Variants in AGBL1 observed in about 807,000 individuals in gnomAD.
AGBL1 encodes the protein AGBL carboxypeptidase 1.
Under a neutral mutation model 118.9 loss-of-function variants are expected in AGBL1, and 130 were observed. The observed-to-expected ratio is 1.09, with a 90% CI of 0.95 to 1.26. The LOEUF (loss-of-function observed/expected upper bound fraction) is 1.26. AGBL1 is among the 50% of genes most tolerant of loss of function. The pLI is 0.00. For synonymous variants in AGBL1, 555 were observed against 478.9 expected (o/e 1.16, Z -2.08); for missense variants, 1,584 against 1,298.1 (o/e 1.22, Z -3.38).
intron 1 of AGBL1, among the ~76,000 whole-genome samples, chr15:86,103,386 T>A (rs78896285): frequency 2.0e-5 from 3 of 152,228 alleles, no homozygotes; most frequent in Admixed American, 6.5e-5. Flanking sequence ...AGAATTATTA[T>A]CTTTTTTTGG....
intron 22 of AGBL1, among the ~76,000 whole-genome samples, chr15:86,868,153 GAC>G (rs1251043594): frequency 6.6e-6 from 1 of 152,194 alleles, no homozygotes; most frequent in East Asian, 1.9e-4. Context: ...TAGAGTTGAA[GAC>G]ACATGAAACG....
intron 18 of AGBL1, among the ~76,000 whole-genome samples, chr15:86,428,904 G>A (rs954603012): frequency 4.6e-5 from 7 of 152,200 alleles, no homozygotes; most frequent in African/African-American, 1.4e-4. Flanking sequence ...ATAATGGAAA[G>A]GTTTATGTCC....
intron 18 of AGBL1, among the ~76,000 whole-genome samples, chr15:86,478,839 A>G (rs1357942524): frequency 6.6e-6 from 1 of 152,204 alleles, no homozygotes; most frequent in Non-Finnish European, 1.5e-5. Flanking sequence ...ACTCTACTAC[A>G]AGGCTACAGT....
chr15:86,786,568 C>T (rs1441382483), intron 22 of AGBL1, among the ~76,000 whole-genome samples: 1 of 152,142 alleles, frequency 6.6e-6, no homozygotes, highest in Non-Finnish European at 1.5e-5. Context: ...TCTCTATACC[C>T]ATGTCAGAAT....
intron 18 of AGBL1, among the ~76,000 whole-genome samples, chr15:86,449,915 A>G (rs2082172027): frequency 6.6e-6 from 1 of 150,886 alleles, no homozygotes; most frequent in Non-Finnish European, 1.5e-5. Context: ...ATAAGCTGCA[A>G]ATAAAACCCC....
chr15:86,404,765 T>C (rs986465681), intron 18 of AGBL1, among the ~76,000 whole-genome samples: 2 of 152,212 alleles, frequency 1.3e-5, no homozygotes, highest in African/African-American at 4.8e-5. Flanking sequence ...GCTGGGCCTG[T>C]AGATCACGGC....
chr15:87,001,656 T>C (rs2081438891), intron 24 of AGBL1, among the ~76,000 whole-genome samples: 1 of 152,088 alleles, frequency 6.6e-6, no homozygotes, highest in Non-Finnish European at 1.5e-5. Context: ...TTCCTGACTT[T>C]TTAATGATCG....
chr15:86,984,796 AT>A (rs941673772), intron 23 of AGBL1, among the ~76,000 whole-genome samples: 16 of 152,152 alleles, frequency 1.1e-4, no homozygotes, highest in African/African-American at 3.1e-4. Context: ...CATTAAAAAA[AT>A]ATCCATTTAC....
intron 24 of AGBL1, among the ~76,000 whole-genome samples, chr15:87,026,397 C>G (rs541034286): frequency 6.6e-6 from 1 of 151,882 alleles, no homozygotes; most frequent in South Asian, 2.1e-4. Flanking sequence ...TGAAAAAATG[C>G]TCAACATGAC....
At position 86,497,219 on chromosome 15, in the gene AGBL1, CTG is replaced by C. The variant is rs372336582; in HGVS notation, c.2556-25588_2556-25587del. 3.0e-3 allele frequency among the ~76,000 whole-genome samples: 449 copies of C among 152,086 alleles called. 3 individuals carry two copies. The highest frequency in any genetic ancestry group is 0.01 in the African/African-American group (417 of 41,526). On this transcript the variant is annotated intron_variant, in intron 18 of 22. Coordinates refer to ENST00000614907, the MANE Select transcript of AGBL1 (RefSeq NM_001386094.1). ...AAATTTTGCATCTCGCTTCCCTTCT[CTG>C]TGCCTTTTTTGCTTCTTTCTAAAGT... is the stretch of plus-strand genomic sequence containing the variant.
chr15:87,010,963 G>A (rs1164980909), intron 24 of AGBL1, among the ~76,000 whole-genome samples: 1 of 152,104 alleles, frequency 6.6e-6, no homozygotes, highest in Non-Finnish European at 1.5e-5. Context: ...CAGAGACAAA[G>A]CCTAGAAAAT....
intron 22 of AGBL1, among the ~76,000 whole-genome samples, chr15:86,867,119 C>T (rs2079643308): frequency 6.6e-6 from 1 of 152,202 alleles, no homozygotes; most frequent in Admixed American, 6.5e-5. Flanking sequence ...CATAAACACA[C>T]TTGCATCTCA....
chr15:86,651,555 A>G (rs187908041), intron 21 of AGBL1, among the ~76,000 whole-genome samples: 4 of 152,262 alleles, frequency 2.6e-5, no homozygotes, highest in African/African-American at 7.2e-5. Context: ...GGCATATACA[A>G]TCCTCATCCA....
At chr15:86,674,515 T>A in intron 22 of AGBL1, 79 bp downstream of exon 22, 1 of 1,440,858 alleles carries the variant, frequency 6.9e-7, no homozygotes, top group East Asian at 2.3e-5. Context: ...GAAAGTCGAG[T>A]GGACCTAGGG....
intron 18 of AGBL1, among the ~76,000 whole-genome samples, chr15:86,516,559 G>A (rs2083123450): frequency 6.6e-6 from 1 of 152,162 alleles, no homozygotes; most frequent in Non-Finnish European, 1.5e-5. Context: ...CAGCACTTTG[G>A]AAGGCCAAGG....
intron 24 of AGBL1, among the ~76,000 whole-genome samples, chr15:87,017,396 C>T (rs909999675): frequency 6.6e-6 from 1 of 152,104 alleles, no homozygotes; most frequent in African/African-American, 2.4e-5. Context: ...GCAACATGTC[C>T]GTACTTCCCT....
chr15:86,625,385 G>GTTTTTTTTTTTT (rs3083710), intron 21 of AGBL1, among the ~76,000 whole-genome samples: 1 of 68,198 alleles, frequency 1.5e-5, no homozygotes, highest in Non-Finnish European at 2.8e-5. Context: ...TTTTGTTTTT[G>GTTTTTTTTTTTT]TTTTTTTTTT....
At chr15:86,921,543 C>T (rs1271912369) in intron 23 of AGBL1, among the ~76,000 whole-genome samples, 1 of 152,146 alleles carries the variant, frequency 6.6e-6, no homozygotes, top group African/African-American at 2.4e-5. Context: ...TTCTCAAGGC[C>T]AGCTAGGTGT....
chr15:86,452,874 T>C (rs866151194), intron 18 of AGBL1, among the ~76,000 whole-genome samples: 1 of 152,094 alleles, frequency 6.6e-6, no homozygotes, highest in Non-Finnish European at 1.5e-5. Context: ...TTGCCCTGAG[T>C]GTTCCCGCTG....
Sources: allele counts gnomAD v4.1 joint callset (sites outside exome capture counted in the v4.1 genomes callset), GRCh38; gene constraint gnomAD v4.1.1; transcripts MANE v1.5; gene names NCBI Gene and HGNC (gene_info 2026-07-23, HGNC 2026-07-21).